LRP1B: variants seen among roughly 807,000 people sequenced by gnomAD.
LRP1B encodes the protein low-density lipoprotein receptor-related protein 1B.
Under a neutral mutation model 556.6 loss-of-function variants are expected in LRP1B, and 217 were observed. That is an observed-to-expected ratio of 0.39 (90% CI 0.35 to 0.44). The LOEUF (loss-of-function observed/expected upper bound fraction) is 0.44, where lower values mean the gene tolerates loss of function less well. Among genes scored for constraint, LRP1B ranks in the 20% least tolerant of loss-of-function variants. The pLI is 1.00. For missense variants in LRP1B, 5,053 were observed against 5,620.8 expected, an observed-to-expected ratio of 0.90 and a Z score of 3.23; for synonymous variants, 2,047 against 1,865.8, an observed-to-expected ratio of 1.10 and a Z score of -2.50.
At chr2:141,086,263 ATATAT>A (rs1441312926) in intron 7 of LRP1B, among the ~76,000 whole-genome samples, 1 of 152,224 alleles carries the variant, frequency 6.6e-6, no homozygotes, top group East Asian at 1.9e-4. Context: ...TCAAAAGCAT[ATATAT>A]TGACAATTGG....
chr2:140,889,314 G>A (rs1693731297), intron 23 of LRP1B, among the ~76,000 whole-genome samples: 2 of 152,126 alleles, frequency 1.3e-5, no homozygotes, highest in African/African-American at 4.8e-5. Context: ...TTTTCTTTTT[G>A]AGACAGAGTC....
At chr2:141,683,597 G>T (rs1346691888) in intron 2 of LRP1B, among the ~76,000 whole-genome samples, 1 of 152,014 alleles carries the variant, frequency 6.6e-6, no homozygotes, top group Admixed American at 6.6e-5. Flanking sequence ...TCAAGCAAAG[G>T]GTTAAAGGTG....
At chr2:142,007,277 C>G (rs1047630307) in intron 1 of LRP1B, among the ~76,000 whole-genome samples, 3 of 152,102 alleles carry the variant, frequency 2.0e-5, no homozygotes, top group Non-Finnish European at 4.4e-5. Flanking sequence ...CTGTAACTCC[C>G]TCTTGCAAAA....
At chr2:141,818,729 G>T (rs1696650339) in intron 1 of LRP1B, among the ~76,000 whole-genome samples, 2 of 150,264 alleles carry the variant, frequency 1.3e-5, no homozygotes, top group Non-Finnish European at 1.5e-5. Flanking sequence ...GTAGAGACGG[G>T]GTTTCACCGT....
intron 3 of LRP1B, among the ~76,000 whole-genome samples, chr2:141,412,572 A>G (rs1690894233): frequency 6.6e-6 from 1 of 152,216 alleles, no homozygotes; most frequent in Admixed American, 6.5e-5. Context: ...TGTACTCAAC[A>G]CAGCTAGAAA....
At chr2:141,399,825 C>G (rs192287481) in intron 3 of LRP1B, among the ~76,000 whole-genome samples, 1 of 152,252 alleles carries the variant, frequency 6.6e-6, no homozygotes, top group Non-Finnish European at 1.5e-5. Context: ...CTACAATGTT[C>G]TACTGTCTAC....
intron 31 of LRP1B, among the ~76,000 whole-genome samples, chr2:140,822,174 A>T (rs1271862556): frequency 1.3e-5 from 2 of 152,220 alleles, no homozygotes; most frequent in African/African-American, 4.8e-5. Flanking sequence ...CATAGAAATC[A>T]CTGTCATCAG....
chr2:140,724,788 C>T (rs1687531394), intron 35 of LRP1B, among the ~76,000 whole-genome samples: 1 of 44,088 alleles, frequency 2.3e-5, no homozygotes, highest in Admixed American at 3.1e-4. Flanking sequence ...GGAATCTTGA[C>T]TTGTTTTAAT....
At chr2:141,168,634 A>C (rs1188850011) in intron 7 of LRP1B, among the ~76,000 whole-genome samples, 1 of 152,096 alleles carries the variant, frequency 6.6e-6, no homozygotes, top group African/African-American at 2.4e-5. Context: ...CCAAAATAGC[A>C]ACTTACATTT....
At chr2:140,431,810 C>CA (rs1685956471) in intron 66 of LRP1B, among the ~76,000 whole-genome samples, 1 of 152,086 alleles carries the variant, frequency 6.6e-6, no homozygotes, top group African/African-American at 2.4e-5. Flanking sequence ...CCCCTTACCA[C>CA]AAAATCTTCC....
intron 66 of LRP1B, among the ~76,000 whole-genome samples, chr2:140,431,604 G>T (rs1360795575): frequency 3.3e-5 from 5 of 152,224 alleles, no homozygotes; most frequent in Admixed American, 1.3e-4. Flanking sequence ...AATAATCTTT[G>T]CTGGCGGGAC....
intron 7 of LRP1B, among the ~76,000 whole-genome samples, chr2:141,166,889 T>C (rs1680289562): frequency 1.3e-5 from 2 of 151,178 alleles, no homozygotes; most frequent in Non-Finnish European, 2.9e-5. Flanking sequence ...AAATGTTTTG[T>C]TTTTCTGAAA....
At chr2:140,831,885 GACAC>G (rs1691729788) in intron 31 of LRP1B, among the ~76,000 whole-genome samples, 1 of 152,016 alleles carries the variant, frequency 6.6e-6, no homozygotes, top group Admixed American at 6.6e-5. Context: ...CTCAAAAAAA[GACAC>G]ACAATTGGCC....
chr2:140,874,405 T>G (rs1693238816), intron 25 of LRP1B, among the ~76,000 whole-genome samples: 1 of 152,148 alleles, frequency 6.6e-6, no homozygotes, highest in Non-Finnish European at 1.5e-5. Context: ...ATAAGTTTTT[T>G]TCATTAACTT....
rs73964727 is a variant in LRP1B, at chr2:140,866,563, G to T, written c.4579+1027C>A. Among the ~76,000 whole-genome samples, 30 of 152,086 alleles carry T rather than the reference G, an allele frequency of 2.0e-4. 1 individual carries two copies. Among genetic ancestry groups the T allele is most frequent in the Admixed American group, 1.2e-3 (19 of 15,250 alleles). On this transcript the variant is annotated intron_variant, in intron 27 of 90. Coordinates refer to ENST00000389484, the MANE Select transcript of LRP1B (RefSeq NM_018557.3). ...TAGAAACTCCCATGTAGCAAAGAAG[G>T]ATCAATTATGTAAGAAAATAGAAAC...
intron 2 of LRP1B, among the ~76,000 whole-genome samples, chr2:141,764,855 T>C (rs1045551589): frequency 2.0e-5 from 3 of 152,144 alleles, no homozygotes; most frequent in African/African-American, 7.2e-5. Context: ...AGAGCACAAA[T>C]ATATAACAGA....
intron 7 of LRP1B, among the ~76,000 whole-genome samples, chr2:141,123,227 A>G (rs550592219): frequency 6.7e-6 from 1 of 148,426 alleles, no homozygotes; most frequent in East Asian, 2.0e-4. Context: ...TGTACCCTAG[A>G]ACTTAAAGTA....
intron 3 of LRP1B, among the ~76,000 whole-genome samples, chr2:141,369,387 T>C (rs1401544788): frequency 6.6e-6 from 1 of 152,136 alleles, no homozygotes; most frequent in African/African-American, 2.4e-5. Context: ...TCATGTTGTC[T>C]TCATGAAGTT....
At chr2:140,254,884 G>A (rs1234647958) in intron 86 of LRP1B, among the ~76,000 whole-genome samples, 1 of 152,002 alleles carries the variant, frequency 6.6e-6, no homozygotes, top group South Asian at 2.1e-4. Context: ...TTTCTACATA[G>A]CGACCAAAAT....
Sources: allele counts gnomAD v4.1 joint callset (sites outside exome capture counted in the v4.1 genomes callset), GRCh38; gene constraint gnomAD v4.1.1; transcripts MANE v1.5; gene names NCBI Gene and HGNC (gene_info 2026-07-23, HGNC 2026-07-21).